Variants in NOL4 observed in about 807,000 individuals in gnomAD.
NOL4 encodes the protein nucleolar protein 4.
Under a neutral mutation model 75.9 loss-of-function variants are expected in NOL4, and 17 were observed. The ratio of observed to expected loss-of-function variants is 0.22; its 90% CI spans 0.15 to 0.34. The LOEUF (loss-of-function observed/expected upper bound fraction) is 0.34. Ranked by LOEUF, NOL4 falls within the 10% of genes least tolerant of loss-of-function variation. The probability of loss-of-function intolerance (pLI) is 1.00; values close to 1 mark genes in which losing one functional copy is unlikely to be tolerated. For missense variants in NOL4, 614 were observed against 793.5 expected, an observed-to-expected ratio of 0.77 and a Z score of 2.72; for synonymous variants, 292 against 289.9, an observed-to-expected ratio of 1.01 and a Z score of -0.07.
chr18:34,078,415 A>G (rs1300768295), intron 5 of NOL4, among the ~76,000 whole-genome samples: 1 of 152,192 alleles, frequency 6.6e-6, no homozygotes, highest in Non-Finnish European at 1.5e-5. Context: ...AAGCAACGCC[A>G]TTTCTGATGT....
intron 8 of NOL4, among the ~76,000 whole-genome samples, chr18:33,946,314 G>A (rs760749572): frequency 4.0e-5 from 6 of 151,412 alleles, no homozygotes; most frequent in Non-Finnish European, 7.4e-5. Flanking sequence ...AACTCTTATT[G>A]AGTGCTTAGG....
At chr18:34,083,288 G>A (rs1302011373) in intron 5 of NOL4, among the ~76,000 whole-genome samples, 1 of 152,160 alleles carries the variant, frequency 6.6e-6, no homozygotes, top group Admixed American at 6.5e-5. Flanking sequence ...GGCAGATTGG[G>A]AGGAAAAAGG....
At chr18:34,116,040 C>G in intron 2 of NOL4, among the ~76,000 whole-genome samples, 1 of 152,120 alleles carries the variant, frequency 6.6e-6, no homozygotes, top group East Asian at 1.9e-4. Context: ...ATCAGTAAAA[C>G]AGAAAATAAT....
intron 6 of NOL4, among the ~76,000 whole-genome samples, chr18:34,007,282 G>A (rs999113859): frequency 6.6e-6 from 1 of 151,936 alleles, no homozygotes; most frequent in African/African-American, 2.4e-5. Context: ...GATCCATTAG[G>A]GCATTGCTTA....
intron 8 of NOL4, among the ~76,000 whole-genome samples, chr18:33,946,004 A>G (rs182852784): frequency 6.6e-6 from 1 of 151,886 alleles, no homozygotes; most frequent in Admixed American, 6.6e-5. Context: ...GTACTTTTAC[A>G]TACTTTGTCA....
At chr18:33,941,088 A>C (rs1312111989) in intron 9 of NOL4, among the ~76,000 whole-genome samples, 1 of 151,962 alleles carries the variant, frequency 6.6e-6, no homozygotes, top group East Asian at 1.9e-4. Context: ...GCAAATAACA[A>C]ATATATCTTT....
intron 1 of NOL4, among the ~76,000 whole-genome samples, chr18:34,172,014 A>G (rs536499432): frequency 2.6e-5 from 4 of 152,228 alleles, no homozygotes; most frequent in African/African-American, 9.6e-5. Flanking sequence ...GAGCTTTTGT[A>G]CAAAAGCAAA....
At chr18:33,891,927 G>T (rs1322382381) in intron 9 of NOL4, among the ~76,000 whole-genome samples, 6 of 152,018 alleles carry the variant, frequency 3.9e-5, no homozygotes, top group African/African-American at 1.2e-4. Context: ...TAATGTTTTT[G>T]GCAGTCCACA....
At chr18:34,030,750 G>T (rs143674872) in intron 5 of NOL4, among the ~76,000 whole-genome samples, 122 of 151,830 alleles carry the variant, frequency 8.0e-4, no homozygotes, top group African/African-American at 2.9e-3. Context: ...AATGCTTTAG[G>T]TAATGGATAT....
At chr18:34,037,123 T>C (rs1163160680) in intron 5 of NOL4, among the ~76,000 whole-genome samples, 1 of 152,138 alleles carries the variant, frequency 6.6e-6, no homozygotes, top group African/African-American at 2.4e-5. Context: ...ACCATTTCTG[T>C]ACACCATAGT....
chr18:34,006,605 C>A (rs1027645348), intron 6 of NOL4, among the ~76,000 whole-genome samples: 1 of 152,064 alleles, frequency 6.6e-6, no homozygotes, highest in African/African-American at 2.4e-5. Flanking sequence ...AACACTTCTG[C>A]CAAAGCTACC....
rs375845343 is a variant in NOL4 at position 34,222,954 on chromosome 18, C to T, written c.264+36G>A. 7.0e-5 allele frequency: 112 copies of T among 1,595,360 alleles called. No homozygotes were observed. The African/African-American group carries it at 1.4e-3, about 20-fold the overall frequency. ...TTCCTCCCTCCCCGCCGGGCTGCTC[C>T]GGCAGACAAATAACAGAGGAAGGCG... On this transcript the variant is annotated intron_variant, in intron 1 of 10. Coordinates refer to ENST00000261592, the MANE Select transcript of NOL4 (RefSeq NM_003787.5).
intron 9 of NOL4, among the ~76,000 whole-genome samples, chr18:33,889,823 G>C (rs2064992784): frequency 1.3e-5 from 2 of 152,090 alleles, no homozygotes; most frequent in Non-Finnish European, 2.9e-5. Context: ...AAAGGCCTTT[G>C]ACAAAATTCA....
At chr18:33,964,010 A>C (rs1318528130) in intron 6 of NOL4, among the ~76,000 whole-genome samples, 1 of 152,174 alleles carries the variant, frequency 6.6e-6, no homozygotes, top group Non-Finnish European at 1.5e-5. Flanking sequence ...AGAACACATG[A>C]ATTCAGTGCC....
chr18:33,933,089 A>G (rs2067811107), intron 9 of NOL4, among the ~76,000 whole-genome samples: 1 of 152,198 alleles, frequency 6.6e-6, no homozygotes, highest in African/African-American at 2.4e-5. Flanking sequence ...GACCACTGCA[A>G]TAAAACAAAT....
chr18:33,973,036 G>C (rs1213443532), intron 6 of NOL4, among the ~76,000 whole-genome samples: 3 of 152,124 alleles, frequency 2.0e-5, no homozygotes, highest in Non-Finnish European at 4.4e-5. Flanking sequence ...TAACATGTGA[G>C]GTTGTTTGAT....
chr18:34,098,341 G>A (rs1317415710), intron 4 of NOL4, among the ~76,000 whole-genome samples: 1 of 152,136 alleles, frequency 6.6e-6, no homozygotes, highest in Non-Finnish European at 1.5e-5. Flanking sequence ...TTACTACCCT[G>A]AGACCAGCAC....
chr18:34,143,304 A>T (rs900219316), intron 1 of NOL4, among the ~76,000 whole-genome samples: 31 of 152,164 alleles, frequency 2.0e-4, no homozygotes, highest in African/African-American at 7.5e-4. Flanking sequence ...GATATAAAAG[A>T]TGTGTAACAT....
At chr18:34,056,656 G>T (rs935672229) in intron 5 of NOL4, among the ~76,000 whole-genome samples, 2 of 152,114 alleles carry the variant, frequency 1.3e-5, no homozygotes, top group African/African-American at 2.4e-5. Flanking sequence ...AAGAGCCCTT[G>T]TATGGAATGT....
Sources: gnomAD v4.1 joint callset for allele counts (sites outside exome capture counted in the v4.1 genomes callset) on GRCh38, gnomAD v4.1.1 for gene constraint, MANE v1.5 for transcripts, NCBI Gene and HGNC (gene_info 2026-07-23, HGNC 2026-07-21) for gene names.